ZNHIT6: variants seen among roughly 807,000 people sequenced by gnomAD.
The protein encoded by ZNHIT6 is box C/D snoRNA protein 1.
ZNHIT6 carries 45 observed loss-of-function variants against 57.2 expected under a neutral mutation model. That is an observed-to-expected ratio of 0.79 (90% CI 0.62 to 1.01). ZNHIT6 has a LOEUF of 1.01. Among genes scored for constraint, ZNHIT6 ranks in the 50% least tolerant of loss-of-function variants. The probability of loss-of-function intolerance (pLI) is 0.00; values close to 1 mark genes in which losing one functional copy is unlikely to be tolerated. For synonymous variants in ZNHIT6, 188 were observed against 190.0 expected (o/e 0.99, Z 0.09); for missense variants, 528 against 567.3 (o/e 0.93, Z 0.70).
chr1:85,667,961 A>AAAAATGTATATATATATATAT, intron 8 of ZNHIT6, among the ~76,000 whole-genome samples: 1 of 18,200 alleles, frequency 5.5e-5, no homozygotes, highest in Admixed American at 6.8e-4. Flanking sequence ...AAAAAAAAAA[A>AAAAATGTATATATATATATAT]ATATATATAT....
rs1660924220 is a variant in ZNHIT6 at position 85,652,020 on chromosome 1, T to C, written c.*2038A>G. ...CCTATAATTGAAAAGTCTAATAGAA[T>C]TCTAGAAAATAAAGATGGCAAAGAT... is the stretch of plus-strand genomic sequence containing the variant. On this transcript the variant is annotated 3_prime_UTR_variant, in exon 10 of 10. Coordinates refer to ENST00000370574, the MANE Select transcript of ZNHIT6 (RefSeq NM_017953.4). The C allele has an allele frequency of 6.6e-6, 1 of 152,188 alleles. No individual in the cohort carries two copies. Among genetic ancestry groups the C allele is most frequent in the African/African-American group, 2.4e-5 (1 of 41,454 alleles). The allele number at this position is 152,188 out of a possible 1,614,324, so 9.4% of individuals were successfully genotyped here. A position where few individuals can be genotyped will look rare whatever the true frequency, so the allele number is the denominator to read the frequency against.
Position 85,708,385 on chromosome 1 carries a change from G to C in ZNHIT6, c.-101C>G. ...GGTCGGAATACCTACGGCGGCCCAC[G>C]TGTGGAGCCAAGCAGCCACAAACCC... On this transcript the variant is annotated 5_prime_UTR_variant, in exon 1 of 10. Coordinates refer to ENST00000370574, the MANE Select transcript of ZNHIT6 (RefSeq NM_017953.4). 1 of 1,433,344 alleles carries C rather than the reference G, an allele frequency of 7.0e-7. No individual in the cohort carries two copies. Among genetic ancestry groups the C allele is most frequent in the Non-Finnish European group, 9.3e-7 (1 of 1,077,168 alleles). 88.8% of individuals were successfully genotyped at this position (1,433,344 alleles called of 1,614,324 possible). A position where few individuals can be genotyped will look rare whatever the true frequency, so the allele number is the denominator to read the frequency against.
chr1:85,657,982 A>G lies in ZNHIT6; in HGVS notation c.1248-11T>C. ...TCTAGTTCATAATATCTTATTAATAAAAAAAAACAAAAAACCAGGAAACAC... is the reference window on the plus strand; with the variant it reads ...TCTAGTTCATAATATCTTATTAATAGAAAAAAACAAAAAACCAGGAAACAC... On this transcript the variant is annotated splice_polypyrimidine_tract_variant and intron_variant, in intron 8 of 9. Coordinates refer to ENST00000370574, the MANE Select transcript of ZNHIT6 (RefSeq NM_017953.4). The G allele has an allele frequency of 7.1e-7, 1 of 1,415,658 alleles. No homozygotes were observed. The highest frequency in any genetic ancestry group is 9.6e-7 in the Non-Finnish European group (1 of 1,044,456). 87.7% of individuals were successfully genotyped at this position (1,415,658 alleles called of 1,614,324 possible).
rs757831499 is a variant in ZNHIT6 at position 85,702,215 on chromosome 1, T to C, written c.961A>G (p.Lys321Glu). ...NRARRQGINL[K>E]LLPNGFTKRK... ...TTGGTGAATCCATTGGGTAGAAGTT[T>C]TAAGTTAATACCTTGCCTCCGGGCA... The change falls in exon 5 of 10, where the codon AAA becomes GAA. Residue 321 changes from lysine (K) to glutamate (E), a missense_variant. Transcript: ENST00000370574. 1 of 1,611,184 alleles carries C rather than the reference T, an allele frequency of 6.2e-7. No homozygotes were observed. The highest frequency in any genetic ancestry group is 8.5e-7 in the Non-Finnish European group (1 of 1,179,206).
intron 8 of ZNHIT6, among the ~76,000 whole-genome samples, chr1:85,673,343 A>G (rs1487023258): frequency 6.6e-6 from 1 of 152,200 alleles, no homozygotes; most frequent in East Asian, 1.9e-4. Context: ...AAACTCCCAA[A>G]CAGATCAGTA....
rs1352763568 is a variant in ZNHIT6 at position 85,651,226 on chromosome 1, T to G, written c.*2832A>C. ...ACATTTTGGAATCTTAAATATCTAT[T>G]TTTAATAACTTTTTTTTTTTTTGAG... is the stretch of plus-strand genomic sequence containing the variant. On this transcript the variant is annotated 3_prime_UTR_variant, in exon 10 of 10. Transcript: ENST00000370574. 1.3e-5 allele frequency: 2 copies of G among 151,708 alleles called. No homozygotes were observed. Among genetic ancestry groups the G allele is most frequent in the Non-Finnish European group, 2.9e-5 (2 of 67,940 alleles). The allele number at this position is 151,708 out of a possible 1,614,324, so 9.4% of individuals were successfully genotyped here.
At chr1:85,663,224 T>G (rs1451655401) in intron 8 of ZNHIT6, among the ~76,000 whole-genome samples, 1 of 152,322 alleles carries the variant, frequency 6.6e-6, no homozygotes, top group Non-Finnish European at 1.5e-5. Context: ...CAAAAGTAAT[T>G]TGGCACTCCT....
chr1:85,689,443 C>T (rs1436129087), intron 5 of ZNHIT6, among the ~76,000 whole-genome samples: 1 of 151,986 alleles, frequency 6.6e-6, no homozygotes, highest in Admixed American at 6.6e-5. Context: ...GATTAAATGA[C>T]TAGAATTTGG....
In ZNHIT6 at chr1:85,670,295, T is replaced by C. The variant is rs143237223; in HGVS notation, c.1247+6941A>G. On this transcript the variant is annotated intron_variant, in intron 8 of 9. Coordinates refer to ENST00000370574, the MANE Select transcript of ZNHIT6 (RefSeq NM_017953.4). ...TATAGTTGCTTACGTGCTACAATGGTAGAATTGACTAATTATGACTAAATG... is the reference window on the plus strand; with the variant it reads ...TATAGTTGCTTACGTGCTACAATGGCAGAATTGACTAATTATGACTAAATG... Among the ~76,000 whole-genome samples the C allele has an allele frequency of 9.4e-3, 1,426 of 152,238 alleles. 58 individuals carry two copies. The highest frequency in any genetic ancestry group is 0.062 in the Admixed American group (955 of 15,284).
chr1:85,706,349 G>A lies in ZNHIT6; in HGVS notation c.729C>T (p.Pro243=), dbSNP rs41289759. Residue 243 remains proline (P), a synonymous_variant, in exon 3 of 10, where the codon CCC becomes CCT. Transcript: ENST00000370574. ...PRCMRYSCSL[P]CVKKHKAELT... ...GTTCTGCTTTGTGTTTCTTTACACA[G>A]GGCAAACTGAAAAGACAAAGGGGAA... The A allele has an allele frequency of 0.023, 36,752 of 1,613,650 alleles. 525 individuals carry two copies. The highest frequency in any genetic ancestry group is 0.027 in the Non-Finnish European group (32,047 of 1,179,768).
chr1:85,690,486 T>C (rs1219282491), intron 5 of ZNHIT6, among the ~76,000 whole-genome samples: 1 of 152,218 alleles, frequency 6.6e-6, no homozygotes, highest in African/African-American at 2.4e-5. Context: ...TAGGAAGTCT[T>C]TCCTGTTCCC....
At position 85,650,416 on chromosome 1, in the gene ZNHIT6, G is replaced by C. The variant is rs981562013; in HGVS notation, c.*3642C>G. On this transcript the variant is annotated 3_prime_UTR_variant, in exon 10 of 10. Coordinates refer to ENST00000370574, the MANE Select transcript of ZNHIT6 (RefSeq NM_017953.4). ...TGACTGCTTTTGACGTTTGGACCCA[G>C]GACCCAGTCATTGCCTGGACTTCCC... is the stretch of plus-strand genomic sequence containing the variant. The C allele has an allele frequency of 2.0e-5, 3 of 152,172 alleles. No individual in the cohort carries two copies. Among genetic ancestry groups the C allele is most frequent in the Non-Finnish European group, 4.4e-5 (3 of 68,040 alleles). The allele number at this position is 152,172 out of a possible 1,614,324, so 9.4% of individuals were successfully genotyped here.
rs973422175 is a variant in ZNHIT6, at chr1:85,652,503, T to G, written c.*1555A>C. On this transcript the variant is annotated 3_prime_UTR_variant, in exon 10 of 10. Coordinates refer to ENST00000370574, the MANE Select transcript of ZNHIT6 (RefSeq NM_017953.4). ...TGTATGTTTCTCAAGTTGCAAGGAC[T>G]CACTTTCTATGAACTTTCTATGAAT... 6.6e-6 allele frequency: 1 copy of G among 152,214 alleles called. No individual in the cohort carries two copies. Among genetic ancestry groups the G allele is most frequent in the Non-Finnish European group, 1.5e-5 (1 of 68,018 alleles). The allele number at this position is 152,214 out of a possible 1,614,324, so 9.4% of individuals were successfully genotyped here.
chr1:85,707,927 C>G lies in ZNHIT6; in HGVS notation c.358G>C (p.Glu120Gln). ...TTTACCACTAAACTACTATCCGTCT[C>G]CTGCTTCACCTCCAATACGCCTGCG... ...ENAGVLEVKQ[E>Q]TDSSLVVKEA... The change falls in exon 1 of 10, where the codon GAG becomes CAG. Residue 120 changes from glutamate (E) to glutamine (Q), a missense_variant. By Grantham distance (29) the Glu-to-Gln change is conservative (BLOSUM62 2). Transcript: ENST00000370574. The G allele has an allele frequency of 6.2e-7, 1 of 1,614,122 alleles. No homozygotes were observed. The highest frequency in any genetic ancestry group is 1.3e-5 in the African/African-American group (1 of 75,018).
chr1:85,650,262 C>G lies in ZNHIT6; in HGVS notation c.*3796G>C, dbSNP rs1570272499. On this transcript the variant is annotated 3_prime_UTR_variant, in exon 10 of 10. Transcript: ENST00000370574. The stretch of plus-strand genomic sequence containing the variant: ...TAAGGTAAGCTGAAAATGTCAATTG[C>G]TGTTATCCACCATCCTCTCACCTCA... The G allele has an allele frequency of 6.6e-6, 1 of 152,236 alleles. No homozygotes were observed. Among genetic ancestry groups the G allele is most frequent in the African/African-American group, 2.4e-5 (1 of 41,460 alleles). 9.4% of individuals were successfully genotyped at this position (152,236 alleles called of 1,614,324 possible).
At chr1:85,688,064 T>C (rs1662115565) in intron 5 of ZNHIT6, among the ~76,000 whole-genome samples, 1 of 151,240 alleles carries the variant, frequency 6.6e-6, no homozygotes, top group South Asian at 2.1e-4. Context: ...AAAAGAAATG[T>C]CTACAGGTTA....
chr1:85,690,445 C>T (rs1238891599), intron 5 of ZNHIT6, among the ~76,000 whole-genome samples: 1 of 152,210 alleles, frequency 6.6e-6, no homozygotes, highest in African/African-American at 2.4e-5. Context: ...TATTTCTCAT[C>T]CTTAAAAACA....
chr1:85,706,543 TATTA>T (rs768137210), intron 1 of ZNHIT6, 36 bp from the exon 2 acceptor site: 1 of 1,468,366 alleles, frequency 6.8e-7, no homozygotes, highest in South Asian at 1.5e-5. Context: ...AATTATCAAA[TATTA>T]ATTGTATTTA....
rs1159927193 is a variant in ZNHIT6 at position 85,705,981 on chromosome 1, T to C, written c.915+97A>G. 293 of 985,468 alleles carry C rather than the reference T, an allele frequency of 3.0e-4. 1 individual carries two copies. Among genetic ancestry groups the C allele is most frequent in the Non-Finnish European group, 1.3e-5 (9 of 674,298 alleles). The allele number at this position is 985,468 out of a possible 1,614,324, so 61.0% of individuals were successfully genotyped here. Reference sequence around the variant, plus strand: ...AAGTAATCAGAATAGCTCTACATCATGGTAGCCACTTAATATATTTGGTAA... The same window carrying C: ...AAGTAATCAGAATAGCTCTACATCACGGTAGCCACTTAATATATTTGGTAA... On this transcript the variant is annotated intron_variant, in intron 4 of 9. Coordinates refer to ENST00000370574, the MANE Select transcript of ZNHIT6 (RefSeq NM_017953.4).
Sources: gnomAD v4.1 joint callset for allele counts (sites outside exome capture counted in the v4.1 genomes callset) on GRCh38, gnomAD v4.1.1 for gene constraint, MANE v1.5 for transcripts, NCBI Gene and HGNC (gene_info 2026-07-23, HGNC 2026-07-21) for gene names.